Variants in NASP observed in about 807,000 individuals in gnomAD.
NASP encodes NASP histone chaperone.
NASP carries 24 observed loss-of-function variants against 89.5 expected under a neutral mutation model. That is an observed-to-expected ratio of 0.27 (90% CI 0.19 to 0.38). The LOEUF is 0.38. Among genes scored for constraint, NASP ranks in the 10% least tolerant of loss-of-function variants. NASP has a pLI of 1.00. For missense variants in NASP, 848 were observed against 921.4 expected, an observed-to-expected ratio of 0.92 and a Z score of 1.03; for synonymous variants, 306 against 324.7, an observed-to-expected ratio of 0.94 and a Z score of 0.62.
intron 1 of NASP, among the ~76,000 whole-genome samples, chr1:45,585,422 A>G (rs1382512062): frequency 2.0e-5 from 3 of 151,996 alleles, no homozygotes; most frequent in Non-Finnish European, 4.4e-5. Flanking sequence ...TCTGCTTACC[A>G]CCTTTTCTCT....
chr1:45,599,953 A>ATTT lies in NASP; in HGVS notation c.108-2282_108-2280dup, dbSNP rs11302173. Among the ~76,000 whole-genome samples, 87 of 79,058 alleles carry ATTT rather than the reference A, an allele frequency of 1.1e-3. 3 individuals are homozygous for ATTT. The highest frequency in any genetic ancestry group is 4.0e-3 in the East Asian group (12 of 2,972). The allele number at this position is 79,058 out of a possible 152,430, so 51.9% of individuals were successfully genotyped here. A position where few individuals can be genotyped will look rare whatever the true frequency, so the allele number is the denominator to read the frequency against. ...CTGTCCTAGAGTGCTTTTCCTCTGT[A>ATTT]TTTTTTTTTTTTTTTTTTTTTTGGC... is the stretch of plus-strand genomic sequence containing the variant. On this transcript the variant is annotated intron_variant, in intron 2 of 14. Coordinates refer to ENST00000350030, the MANE Select transcript of NASP (RefSeq NM_002482.4).
In NASP at chr1:45,584,198, G is replaced by C. The variant is rs763559571; in HGVS notation, c.52G>C (p.Ala18Pro). ...TAAVAAELVS[A>P]DKIEDVPAPS... is the part of the protein sequence containing the mutation. ...CGCCGTCGCCGCGGAGCTGGTTTCT[G>C]CCGACAAGTAAGCGGGACTGTGGAA... The change falls in exon 1 of 15, where the codon GCC (alanine) becomes CCC (proline). Residue 18 changes from alanine to proline, a missense_variant. Ala to Pro is a conservative substitution (Grantham distance 27, BLOSUM62 -1). This residue lies in a region of NASP where 89 missense variants were observed against 79.2 expected (regional missense o/e 1.12). Coordinates refer to ENST00000350030, the MANE Select transcript of NASP (RefSeq NM_002482.4). 8 of 1,590,802 alleles carry C rather than the reference G, an allele frequency of 5.0e-6. No homozygotes were observed. The South Asian group carries it at 6.9e-5, about 14-fold the overall frequency.
intron 2 of NASP, among the ~76,000 whole-genome samples, chr1:45,593,908 G>A (rs1643619887): frequency 6.6e-6 from 1 of 151,516 alleles, no homozygotes; most frequent in Non-Finnish European, 1.5e-5. Context: ...ACTTGCGTGT[G>A]GTCCCAGATA....
intron 1 of NASP, among the ~76,000 whole-genome samples, chr1:45,589,239 C>T (rs1293467318): frequency 1.3e-5 from 2 of 152,092 alleles, no homozygotes; most frequent in African/African-American, 2.4e-5. Flanking sequence ...GCAATCTTCC[C>T]ATATCAGTCT....
At chr1:45,617,650 A>C in intron 14 of NASP, 59 bp downstream of exon 14, 1 of 1,517,206 alleles carries the variant, frequency 6.6e-7, no homozygotes, top group Non-Finnish European at 8.8e-7. Context: ...GGACCTGGGG[A>C]AATCAGTCCT....
intron 5 of NASP, 95 bp downstream of exon 5, chr1:45,606,686 TC>T: frequency 1.3e-6 from 1 of 773,920 alleles, no homozygotes; most frequent in African/African-American, 1.7e-5. Context: ...CTGGATGGTC[TC>T]TCCTAAGATG....
rs768089622 is a variant in NASP, at chr1:45,613,202, A to C, written c.1460A>C (p.Asn487Thr). ...GGCTCAGAAGAGGATGATAAAGAAA[A>C]TGATAAGACCGAAGAAATGCCAAAT... ...TEGSEEDDKE[N>T]DKTEEMPNDS... is the part of the protein sequence containing the mutation. Residue 487 changes from asparagine to threonine, a missense_variant, in exon 7 of 15, where the codon AAT becomes ACT. By Grantham distance (65) the Asn-to-Thr change is moderately conservative. Around this residue, in one of 5 missense-constraint regions of NASP, gnomAD observed 464 missense variants for 469.4 expected, o/e 0.99. Transcript: ENST00000350030. 6 of 1,611,604 alleles carry C rather than the reference A, an allele frequency of 3.7e-6. No individual in the cohort carries two copies. The Admixed American group carries it at 1.0e-4, about 27-fold the overall frequency.
chr1:45,615,279 A>G (rs201664118), intron 10 of NASP, 26 bp from the exon 11 acceptor site: 3 of 1,611,652 alleles, frequency 1.9e-6, no homozygotes, highest in African/African-American at 1.3e-5. Flanking sequence ...TTTTTGAGCC[A>G]TTACTAATCA....
rs369932205 is a variant in NASP at position 45,617,615 on chromosome 1, C to G, written c.2286+24C>G. On this transcript the variant is annotated intron_variant, in intron 14 of 14. Transcript: ENST00000350030. ...AGGTGGGCAGTTAAGCAGGGCTTAG[C>G]CTCTTGCCTCATTCCTTGTTCTCAG... is the stretch of plus-strand genomic sequence containing the variant. 22 of 1,549,604 alleles carry G rather than the reference C, an allele frequency of 1.4e-5. No individual in the cohort carries two copies. The East Asian group carries it at 3.6e-4, about 25-fold the overall frequency.
At chr1:45,587,689 A>G (rs868786900) in intron 1 of NASP, among the ~76,000 whole-genome samples, 3 of 4,422 alleles carry the variant, frequency 6.8e-4, no homozygotes, top group Admixed American at 2.8e-3. Flanking sequence ...TATATATATA[A>G]TTAATTTTTT....
chr1:45,616,377 G>T lies in NASP; in HGVS notation c.2063G>T (p.Gly688Val), dbSNP rs1488446011. Residue 688 changes from glycine (G) to valine (V), a missense_variant, in exon 12 of 15, where the codon GGC becomes GTC. By Grantham distance (109) the Gly-to-Val change is moderately radical (BLOSUM62 -3). Around this residue, in one of 5 missense-constraint regions of NASP, gnomAD observed 218 missense variants for 219.6 expected, o/e 0.99. Transcript: ENST00000350030. ...TCAGGTTTCACTCCTGGTGGAGGAGGCTCTTCAGTCTCCATGGTGCGTATT... is the reference window on the plus strand; with the variant it reads ...TCAGGTTTCACTCCTGGTGGAGGAGTCTCTTCAGTCTCCATGGTGCGTATT... ...STSGFTPGGG[G>V]SSVSMIASRK... The T allele has an allele frequency of 6.2e-7, 1 of 1,614,070 alleles. No homozygotes were observed. The highest frequency in any genetic ancestry group is 1.1e-5 in the South Asian group (1 of 91,080).
Position 45,616,692 on chromosome 1 carries a change from G to T in NASP, c.2146G>T (p.Val716Phe). The change falls in exon 13 of 15, where the codon GTC becomes TTC. Residue 716 changes from valine (V) to phenylalanine (F), a missense_variant. Val to Phe is a conservative substitution (Grantham distance 50, BLOSUM62 -1). Coordinates refer to ENST00000350030, the MANE Select transcript of NASP (RefSeq NM_002482.4). ...SNCVTDISHL[V>F]RKKRKPEEES... The stretch of plus-strand genomic sequence containing the variant: ...TTGTGTGACTGATATTTCCCACCTT[G>T]TCAGAAAGAAGGTAAGTCTACATGT... The T allele has an allele frequency of 6.2e-7, 1 of 1,613,470 alleles. No individual in the cohort carries two copies. The highest frequency in any genetic ancestry group is 8.5e-7 in the Non-Finnish European group (1 of 1,179,376).
At chr1:45,587,043 G>C (rs928156834) in intron 1 of NASP, among the ~76,000 whole-genome samples, 2 of 152,086 alleles carry the variant, frequency 1.3e-5, no homozygotes, top group Admixed American at 6.6e-5. Flanking sequence ...TAGTGATATT[G>C]GACCACAGTT....
Position 45,614,996 on chromosome 1 carries a change from C to T in NASP, c.1667-17C>T, listed in dbSNP as rs759327021. 6.2e-7 allele frequency: 1 copy of T among 1,603,812 alleles called. No individual in the cohort carries two copies. The highest frequency in any genetic ancestry group is 8.5e-7 in the Non-Finnish European group (1 of 1,174,766). The stretch of plus-strand genomic sequence containing the variant: ...GAATGCTGTCCATTTACTTGCTCTT[C>T]TTTTTCTCTTTGTTAGAAAACTATG... On this transcript the variant is annotated splice_polypyrimidine_tract_variant and intron_variant, in intron 9 of 14. Transcript: ENST00000350030.
At chr1:45,595,129 T>TGTG (rs1643658891) in intron 2 of NASP, among the ~76,000 whole-genome samples, 122 of 111,870 alleles carry the variant, frequency 1.1e-3, no homozygotes, top group East Asian at 0.011. Flanking sequence ...AGACTAAGTT[T>TGTG]TGTGTGTGTG....
intron 2 of NASP, among the ~76,000 whole-genome samples, chr1:45,598,595 C>T (rs1445459381): frequency 6.6e-6 from 1 of 152,158 alleles, no homozygotes; most frequent in East Asian, 1.9e-4. Context: ...ACCTGACTCT[C>T]CCATTTGTAT....
chr1:45,586,186 C>T (rs1055230518), intron 1 of NASP, among the ~76,000 whole-genome samples: 1 of 151,614 alleles, frequency 6.6e-6, no homozygotes, highest in African/African-American at 2.4e-5. Flanking sequence ...GTCTCTGTCA[C>T]CCAGGTTGGA....
At chr1:45,609,391 C>T (rs183910527) in intron 6 of NASP, 11 of 152,324 alleles carry the variant, frequency 7.2e-5, no homozygotes, top group Admixed American at 3.3e-4. Flanking sequence ...CCAGCCAACA[C>T]AGGCTCAGTA....
chr1:45,618,608 T>C lies in NASP; in HGVS notation c.*467T>C, dbSNP rs1209837368. The C allele has an allele frequency of 6.4e-6, 1 of 155,894 alleles. No individual in the cohort carries two copies. The highest frequency in any genetic ancestry group is 1.9e-4 in the East Asian group (1 of 5,352). The allele number at this position is 155,894 out of a possible 1,614,324, so 9.7% of individuals were successfully genotyped here. On this transcript the variant is annotated 3_prime_UTR_variant, in exon 15 of 15. Transcript: ENST00000350030. The stretch of plus-strand genomic sequence containing the variant: ...CAGGCCTAGGATGGTTCTTGTCCTA[T>C]ATCCACCTAGTCTTCACCTGGGGCT...
Sources: gnomAD v4.1 joint callset for allele counts (sites outside exome capture counted in the v4.1 genomes callset) on GRCh38, gnomAD v4.1.1 for gene constraint, gnomAD v4.1.1 regional missense constraint, MANE v1.5 for transcripts, NCBI Gene and HGNC (gene_info 2026-07-23, HGNC 2026-07-21) for gene names.